Variants in PCDH15 observed in about 807,000 individuals in gnomAD.
The protein encoded by PCDH15 is protocadherin-15.
PCDH15 carries 129 observed loss-of-function variants against 178.5 expected under a neutral mutation model. That is an observed-to-expected ratio of 0.72 (90% CI 0.63 to 0.84). The LOEUF (loss-of-function observed/expected upper bound fraction) is 0.84, where lower values mean the gene tolerates loss of function less well. Ranked by LOEUF, PCDH15 falls within the 40% of genes least tolerant of loss-of-function variation. The probability of loss-of-function intolerance (pLI) is 0.00; values close to 1 mark genes in which losing one functional copy is unlikely to be tolerated. For synonymous variants in PCDH15, 800 were observed against 732.0 expected, an observed-to-expected ratio of 1.09 and a Z score of -1.50; for missense variants, 2,230 against 2,099.9, an observed-to-expected ratio of 1.06 and a Z score of -1.21.
chr10:55,370,113 C>T (rs1845467045), intron 2 of PCDH15, among the ~76,000 whole-genome samples: 1 of 152,080 alleles, frequency 6.6e-6, no homozygotes, highest in Non-Finnish European at 1.5e-5. Flanking sequence ...CCTCAAAAAT[C>T]TAGACTATTC....
rs766171985 is a variant in PCDH15, at chr10:53,808,802, G to A, written c.4672-1672C>T. On this transcript the variant is annotated intron_variant, in intron 37 of 37. Transcript: ENST00000644397. ...TGATAGCCCCATGGACCTCCAGACT[G>A]ACTTTCGCTACTACTGCTACTACTA... 1 of 1,611,690 alleles carries A rather than the reference G, an allele frequency of 6.2e-7. No homozygotes were observed. Among genetic ancestry groups the A allele is most frequent in the African/African-American group, 1.3e-5 (1 of 74,878 alleles).
rs559926127 is a variant in PCDH15, at chr10:54,524,157, A to T, written c.157+3655T>A. Among the ~76,000 whole-genome samples the T allele has an allele frequency of 7.9e-5, 12 of 152,320 alleles. 1 individual carries two copies. The highest frequency in any genetic ancestry group is 2.9e-4 in the African/African-American group (12 of 41,580). The stretch of plus-strand genomic sequence containing the variant: ...TGTAAACTTCTTCATTGAGTCCATC[A>T]TGGCATCCTTGGTTGATGTTGCTTT... On this transcript the variant is annotated intron_variant, in intron 3 of 37. Coordinates refer to ENST00000644397, the MANE Select transcript of PCDH15 (RefSeq NM_001384140.1).
At chr10:55,318,898 C>T (rs998489170) in intron 1 of PCDH15, among the ~76,000 whole-genome samples, 1 of 152,024 alleles carries the variant, frequency 6.6e-6, no homozygotes. Context: ...TTTTTTCTGG[C>T]AAATCATAAC....
At chr10:55,004,014 A>C (rs1047613114) in intron 2 of PCDH15, among the ~76,000 whole-genome samples, 1 of 151,966 alleles carries the variant, frequency 6.6e-6, no homozygotes. Flanking sequence ...GGTTCCAATG[A>C]AGCTAACTTA....
At chr10:55,465,498 C>A (rs1384868606) in intron 2 of PCDH15, among the ~76,000 whole-genome samples, 1 of 152,078 alleles carries the variant, frequency 6.6e-6, no homozygotes, top group Non-Finnish European at 1.5e-5. Flanking sequence ...CCAATGCCAG[C>A]CCCTTTTCAT....
chr10:55,340,315 T>C (rs1844517464), intron 2 of PCDH15, among the ~76,000 whole-genome samples: 1 of 151,862 alleles, frequency 6.6e-6, no homozygotes, highest in East Asian at 1.9e-4. Flanking sequence ...TAAGAGCACA[T>C]AACCTGGTTT....
At chr10:54,357,231 G>T (rs1187252652) in intron 5 of PCDH15, among the ~76,000 whole-genome samples, 2 of 152,138 alleles carry the variant, frequency 1.3e-5, no homozygotes, top group Admixed American at 1.3e-4. Context: ...GTCCCTGTTT[G>T]CAGATGATGA....
intron 15 of PCDH15, among the ~76,000 whole-genome samples, chr10:54,125,077 G>A (rs2041876243): frequency 6.6e-6 from 1 of 151,832 alleles, no homozygotes; most frequent in African/African-American, 2.4e-5. Context: ...AAGATTAAAA[G>A]AAAACACATG....
At position 54,757,572 on chromosome 10, in the gene PCDH15, C is replaced by T. The variant is rs1471612147; in HGVS notation, c.-29+43353G>A. Among the ~76,000 whole-genome samples the T allele has an allele frequency of 3.4e-5, 5 of 145,530 alleles. 2 individuals are homozygous for T. Among genetic ancestry groups the T allele is most frequent in the African/African-American group, 7.4e-5 (3 of 40,590 alleles). On this transcript the variant is annotated intron_variant, in intron 1 of 37. Transcript: ENST00000644397. ...CTGGGATTACAGGCGTGAGCCACCG[C>T]GCCCGGCCAATTCTACCTTCTTAAA...
At chr10:54,414,747 C>T (rs1360162126) in intron 3 of PCDH15, among the ~76,000 whole-genome samples, 4 of 151,800 alleles carry the variant, frequency 2.6e-5, no homozygotes, top group South Asian at 2.1e-4. Context: ...AAACGAAGCC[C>T]AGAGAGTTTA....
intron 21 of PCDH15, among the ~76,000 whole-genome samples, chr10:53,970,719 C>T (rs2089591726): frequency 1.3e-5 from 2 of 152,032 alleles, no homozygotes; most frequent in Non-Finnish European, 2.9e-5. Flanking sequence ...GACACATACA[C>T]CCTCCCAAGA....
chr10:54,984,929 T>C (rs1056259245), intron 2 of PCDH15, among the ~76,000 whole-genome samples: 1 of 152,190 alleles, frequency 6.6e-6, no homozygotes, highest in Non-Finnish European at 1.5e-5. Context: ...CATGAAACTT[T>C]GATTAAGTAA....
chr10:54,807,975 A>AT (rs1952805101), intron 3 of PCDH15, among the ~76,000 whole-genome samples: 2 of 151,884 alleles, frequency 1.3e-5, no homozygotes, highest in South Asian at 4.1e-4. Context: ...CAACATTAAA[A>AT]TTTTAAAATT....
intron 1 of PCDH15, among the ~76,000 whole-genome samples, chr10:54,718,092 C>G (rs903562799): frequency 6.7e-6 from 1 of 149,188 alleles, no homozygotes; most frequent in Non-Finnish European, 1.5e-5. Flanking sequence ...GGGTGAACAT[C>G]ACACTCTGGG....
Position 54,346,453 on chromosome 10 carries a change from C to G in PCDH15, c.506G>C (p.Gly169Ala). 1 of 1,613,782 alleles carries G rather than the reference C, an allele frequency of 6.2e-7. No homozygotes were observed. The highest frequency in any genetic ancestry group is 8.5e-7 in the Non-Finnish European group (1 of 1,179,880). The part of the protein sequence containing the change: ...LTPVGTTIFT[G>A]FSGDNGATDI... ...TGTAGCTCCATTGTCTCCTGAAAATCCTGTGAATATTGTGGTACCAACTGG... is the reference window on the plus strand; with the variant it reads ...TGTAGCTCCATTGTCTCCTGAAAATGCTGTGAATATTGTGGTACCAACTGG... Residue 169 changes from glycine (G) to alanine (A), a missense_variant, in exon 6 of 38, where the codon GGA (glycine) becomes GCA (alanine). Coordinates refer to ENST00000644397, the MANE Select transcript of PCDH15 (RefSeq NM_001384140.1).
chr10:54,264,913 C>T (rs928597150), intron 8 of PCDH15, among the ~76,000 whole-genome samples: 3 of 151,890 alleles, frequency 2.0e-5, no homozygotes, highest in African/African-American at 7.3e-5. Flanking sequence ...CCAGAGAACC[C>T]CTTTTATATA....
intron 21 of PCDH15, among the ~76,000 whole-genome samples, chr10:53,980,314 T>C (rs769264755): frequency 6.6e-6 from 1 of 152,118 alleles, no homozygotes; most frequent in East Asian, 1.9e-4. Flanking sequence ...AAATTAAAGC[T>C]GTCTTTTAAA....
intron 1 of PCDH15, among the ~76,000 whole-genome samples, chr10:55,201,680 T>A (rs1231504391): frequency 6.6e-6 from 1 of 152,180 alleles, no homozygotes; most frequent in Non-Finnish European, 1.5e-5. Flanking sequence ...GACATTCCAC[T>A]GATACGTGAA....
intron 6 of PCDH15, among the ~76,000 whole-genome samples, chr10:54,332,377 A>ATATAATCTATATTATATATTAT (rs1939996537): frequency 2.7e-5 from 1 of 37,156 alleles, no homozygotes; most frequent in African/African-American, 1.1e-4. Flanking sequence ...TATATATATA[A>ATATAATCTATATTATATATTAT]TATATATATA....
Sources: gnomAD v4.1 joint callset for allele counts (sites outside exome capture counted in the v4.1 genomes callset) on GRCh38, gnomAD v4.1.1 for gene constraint, MANE v1.5 for transcripts, NCBI Gene and HGNC (gene_info 2026-07-23, HGNC 2026-07-21) for gene names.